CELF6: variants seen among roughly 807,000 people sequenced by gnomAD.
The protein encoded by CELF6 is CUGBP Elav-like family member 6.
In CELF6, 32 loss-of-function variants were observed where a neutral mutation model predicts 53.1. The ratio of observed to expected loss-of-function variants is 0.60; its 90% confidence interval spans 0.46 to 0.81. The LOEUF is 0.81. CELF6 is among the 30% of genes least tolerant of loss of function. The pLI, the probability that CELF6 is intolerant of heterozygous loss-of-function variation, is 0.00. For missense variants in CELF6, 539 were observed against 669.5 expected, an observed-to-expected ratio of 0.81 and a Z score of 2.15; for synonymous variants, 291 against 288.8, an observed-to-expected ratio of 1.01 and a Z score of -0.08.
At chr15:72,309,979 G>T (rs574297775) in intron 2 of CELF6, among the ~76,000 whole-genome samples, 45 of 152,276 alleles carry the variant, frequency 3.0e-4, no homozygotes, top group African/African-American at 1.0e-3. Flanking sequence ...AGTGGGAAAG[G>T]TCAGAGGCCG....
intron 2 of CELF6, 46 bp from the exon 3 acceptor site, chr15:72,304,840 T>A: frequency 6.3e-7 from 1 of 1,594,972 alleles, no homozygotes; most frequent in Non-Finnish European, 8.6e-7. Flanking sequence ...GACTGCCTGG[T>A]CCTGGAGCCC....
At position 72,308,633 on chromosome 15, in the gene CELF6, T is replaced by G. The variant is rs117523064; in HGVS notation, c.346-3839A>C. 6.2e-3 allele frequency among the ~76,000 whole-genome samples: 941 copies of G among 152,300 alleles called. 10 individuals are homozygous for G. The highest frequency in any genetic ancestry group is 8.0e-3 in the Non-Finnish European group (545 of 68,020). ...GCATCAAGGAATTTTGACTTTTGACTTTGTTGTATTTCAAAGGCAATGAGG... is the reference window on the plus strand; with the variant it reads ...GCATCAAGGAATTTTGACTTTTGACGTTGTTGTATTTCAAAGGCAATGAGG... On this transcript the variant is annotated intron_variant, in intron 2 of 12. Coordinates refer to ENST00000287202, the MANE Select transcript of CELF6 (RefSeq NM_052840.5).
chr15:72,317,100 G>A (rs1328747999), intron 1 of CELF6, among the ~76,000 whole-genome samples: 2 of 152,220 alleles, frequency 1.3e-5, no homozygotes, highest in Admixed American at 1.3e-4. Context: ...GCTGGTGTAT[G>A]GGGGCAGAGT....
Position 72,319,988 on chromosome 15 carries a change from G to T in CELF6, c.-114C>A. Reference sequence around the variant, plus strand: ...AGGGGGCGGAGCCCGGGCGGAGAGGGCGGGGGGCTGCCCAGGGGGCGGGGT... The same window carrying T: ...AGGGGGCGGAGCCCGGGCGGAGAGGTCGGGGGGCTGCCCAGGGGGCGGGGT... On this transcript the variant is annotated 5_prime_UTR_variant, in exon 1 of 13. Coordinates refer to ENST00000287202, the MANE Select transcript of CELF6 (RefSeq NM_052840.5). The surrounding 1 kb of genome is among the most constrained non-coding windows in gnomAD (Gnocchi z 5.0). 7.9e-7 allele frequency: 1 copy of T among 1,264,386 alleles called. No individual in the cohort carries two copies. The highest frequency in any genetic ancestry group is 1.0e-6 in the Non-Finnish European group (1 of 959,240). The allele number at this position is 1,264,386 out of a possible 1,614,324, so 78.3% of individuals were successfully genotyped here.
At chr15:72,303,661 A>G (rs926580154) in intron 3 of CELF6, among the ~76,000 whole-genome samples, 3 of 152,160 alleles carry the variant, frequency 2.0e-5, no homozygotes, top group Non-Finnish European at 4.4e-5. Context: ...AGAGAGTCTT[A>G]CCCAAGATAA....
At position 72,289,755 on chromosome 15, in the gene CELF6, G is replaced by C. The variant is rs1352627771; in HGVS notation, c.619C>G (p.Leu207Val). Residue 207 changes from leucine (L) to valine (V), a missense_variant, in exon 6 of 13, where the codon CTC becomes GTC. Coordinates refer to ENST00000287202, the MANE Select transcript of CELF6 (RefSeq NM_052840.5). The surrounding 1 kb of genome is among the most constrained non-coding windows in gnomAD (Gnocchi z 7.6). ...SRTMAGASSS[L>V]VVKLADTDRE... ...TCGGTGTCCGCCAGCTTGACCACGA[G>C]GCTGGACGAGGCGCCCTGGGCAGGG... 6.9e-7 allele frequency: 1 copy of C among 1,455,734 alleles called. No individual in the cohort carries two copies. The highest frequency in any genetic ancestry group is 9.0e-7 in the Non-Finnish European group (1 of 1,110,766). The allele number at this position is 1,455,734 out of a possible 1,614,324, so 90.2% of individuals were successfully genotyped here. A position where few individuals can be genotyped will look rare whatever the true frequency, so the allele number is the denominator to read the frequency against.
intron 2 of CELF6, among the ~76,000 whole-genome samples, chr15:72,314,038 C>T (rs1376056307): frequency 6.6e-6 from 1 of 152,302 alleles, no homozygotes; most frequent in Non-Finnish European, 1.5e-5. Flanking sequence ...TGGATCCACA[C>T]CCAGGTCTCT....
chr15:72,305,841 C>T (rs992176260), intron 2 of CELF6, among the ~76,000 whole-genome samples: 6 of 149,258 alleles, frequency 4.0e-5, no homozygotes, highest in Admixed American at 6.6e-5. Flanking sequence ...CACACCCAAA[C>T]GAGAGCTCAT....
chr15:72,310,366 A>G (rs1306233889), intron 2 of CELF6, among the ~76,000 whole-genome samples: 1 of 152,082 alleles, frequency 6.6e-6, no homozygotes, highest in African/African-American at 2.4e-5. Flanking sequence ...TCTAGAATCT[A>G]TATGGATATC....
rs1363884046 is a variant in CELF6 at position 72,289,073 on chromosome 15, C to A, written c.1030+65G>T. 7.3e-7 allele frequency: 1 copy of A among 1,369,644 alleles called. No individual in the cohort carries two copies. The highest frequency in any genetic ancestry group is 9.8e-7 in the Non-Finnish European group (1 of 1,019,488). The allele number at this position is 1,369,644 out of a possible 1,614,324, so 84.8% of individuals were successfully genotyped here. On this transcript the variant is annotated intron_variant, in intron 8 of 12. Coordinates refer to ENST00000287202, the MANE Select transcript of CELF6 (RefSeq NM_052840.5). The surrounding 1 kb of genome is among the most constrained non-coding windows in gnomAD (Gnocchi z 7.6). ...GGATCTCTTCCCAGGGAAGCCAGGC[C>A]CTAACCCCCCACCCCCCGCTCCCCA...
intron 2 of CELF6, among the ~76,000 whole-genome samples, chr15:72,312,469 A>G (rs762362325): frequency 3.9e-5 from 6 of 152,114 alleles, no homozygotes; most frequent in Non-Finnish European, 7.4e-5. Flanking sequence ...TCTACTAAAA[A>G]TACAAAAAAA....
intron 2 of CELF6, among the ~76,000 whole-genome samples, chr15:72,314,887 A>G (rs2088342983): frequency 1.3e-5 from 2 of 152,018 alleles, no homozygotes; most frequent in Admixed American, 6.6e-5. Flanking sequence ...GAGCCACCGC[A>G]CTCGGCCTCA....
intron 2 of CELF6, among the ~76,000 whole-genome samples, chr15:72,314,589 GT>G (rs984879836): frequency 0.014 from 1,396 of 97,854 alleles, 9 homozygotes; most frequent in East Asian, 0.056. Flanking sequence ...AAAACCCAGT[GT>G]TTTTTTTTTT....
intron 2 of CELF6, chr15:72,305,994 G>C: frequency 2.7e-6 from 2 of 748,542 alleles, no homozygotes; most frequent in Non-Finnish European, 3.3e-6. Flanking sequence ...AGGAAGTGTA[G>C]ATAAAAATCA....
At chr15:72,308,086 C>T (rs9672916) in intron 2 of CELF6, among the ~76,000 whole-genome samples, 29,543 of 152,048 alleles carry the variant, frequency 0.19, 7,659 homozygotes, top group African/African-American at 0.59. Flanking sequence ...CCTGGCTCTA[C>T]CACTTGCTTC....
chr15:72,288,198 T>A lies in CELF6; in HGVS notation c.1318+110A>T. On this transcript the variant is annotated intron_variant, in intron 11 of 12. Coordinates refer to ENST00000287202, the MANE Select transcript of CELF6 (RefSeq NM_052840.5). The surrounding 1 kb of genome is among the most constrained non-coding windows in gnomAD (Gnocchi z 4.6). ...TGGTTTGTGACCCTGTTTTGTGCCA[T>A]ACATTCAATCTCAGGAAATCACTGC... is the stretch of plus-strand genomic sequence containing the variant. 8.2e-7 allele frequency: 1 copy of A among 1,216,246 alleles called. No individual in the cohort carries two copies. The highest frequency in any genetic ancestry group is 1.2e-6 in the Non-Finnish European group (1 of 828,870). 75.3% of individuals were successfully genotyped at this position (1,216,246 alleles called of 1,614,324 possible). A position where few individuals can be genotyped will look rare whatever the true frequency, so the allele number is the denominator to read the frequency against.
At chr15:72,293,695 CT>C (rs34917839) in intron 3 of CELF6, among the ~76,000 whole-genome samples, 90,140 of 128,834 alleles carry the variant, frequency 0.7, 35,563 homozygotes, top group South Asian at 0.9. Context: ...CTATCAAATG[CT>C]TTTTTTTTTT....
At chr15:72,311,146 A>G (rs1294877276) in intron 2 of CELF6, among the ~76,000 whole-genome samples, 1 of 151,380 alleles carries the variant, frequency 6.6e-6, no homozygotes, top group African/African-American at 2.4e-5. Context: ...TCCTTTATTT[A>G]TTTATTTATT....
intron 2 of CELF6, among the ~76,000 whole-genome samples, chr15:72,315,178 AGTATG>A: frequency 6.6e-6 from 1 of 152,346 alleles, no homozygotes; most frequent in Non-Finnish European, 1.5e-5. Flanking sequence ...AAGGCTGTAT[AGTATG>A]ACTTGCTCTT....
Sources: allele counts gnomAD v4.1 joint callset (sites outside exome capture counted in the v4.1 genomes callset), GRCh38; gene constraint gnomAD v4.1.1; non-coding constraint Gnocchi (gnomAD v3.1); transcripts MANE v1.5; gene names NCBI Gene and HGNC (gene_info 2026-07-23, HGNC 2026-07-21).